The following PCDHGB7 variants were observed in gnomAD, a reference collection of about 807,000 sequenced individuals.
The protein encoded by PCDHGB7 is protocadherin gamma subfamily B, 7, also known as protocadherin gamma-B7.
PCDHGB7 carries 37 observed loss-of-function variants against 61.4 expected under a neutral mutation model. The ratio of observed to expected loss-of-function variants is 0.60; its 90% CI spans 0.46 to 0.79. The LOEUF (loss-of-function observed/expected upper bound fraction) is 0.79, where lower values mean the gene tolerates loss of function less well. PCDHGB7 is among the 30% of genes least tolerant of loss of function. PCDHGB7 has a pLI of 0.00. For synonymous variants in PCDHGB7, 464 were observed against 503.5 expected (o/e 0.92, Z 1.05); for missense variants, 1,166 against 1,202.5 (o/e 0.97, Z 0.45).
At chr5:141,475,910 G>A in intron 1 of PCDHGB7, 1 of 588,414 alleles carries the variant, frequency 1.7e-6, no homozygotes, top group South Asian at 2.3e-5. Context: ...GTCGGCCAAT[G>A]AAGACGCTGG....
rs374191427 is a variant in PCDHGB7 at position 141,419,804 on chromosome 5, G to A, written c.1945G>A (p.Gly649Arg). ...RQRLLVAVRD[G>R]GQPPLSATAT... ...GCGCCTGCTAGTCGCTGTAAGAGAT[G>A]GAGGACAGCCACCCCTTTCAGCCAC... Residue 649 changes from glycine (G) to arginine (R), a missense_variant, in exon 1 of 4, where the codon GGA becomes AGA. Coordinates refer to ENST00000398594, the MANE Select transcript of PCDHGB7 (RefSeq NM_018927.4). The A allele has an allele frequency of 2.8e-5, 45 of 1,613,946 alleles. No homozygotes were observed. The highest frequency in any genetic ancestry group is 1.6e-4 in the Middle Eastern group (1 of 6,082).
At chr5:141,453,481 T>TA (rs1178324090) in intron 1 of PCDHGB7, among the ~76,000 whole-genome samples, 1 of 151,928 alleles carries the variant, frequency 6.6e-6, no homozygotes, top group African/African-American at 2.4e-5. Context: ...TCAAAACTAT[T>TA]AAAAAAAGGT....
chr5:141,449,389 T>C (rs577860793), intron 1 of PCDHGB7, among the ~76,000 whole-genome samples: 5 of 151,964 alleles, frequency 3.3e-5, no homozygotes, highest in African/African-American at 1.2e-4. Flanking sequence ...GGTGGATTAC[T>C]TGAGGCCAGG....
At position 141,418,812 on chromosome 5, in the gene PCDHGB7, A is replaced by T. The variant is rs761899929; in HGVS notation, c.953A>T (p.Asn318Ile). 4 of 1,613,914 alleles carry T rather than the reference A, an allele frequency of 2.5e-6. No individual in the cohort carries two copies. In the South Asian group the frequency reaches 4.4e-5, roughly 18 times the overall value. Residue 318 changes from asparagine (N) to isoleucine (I), a missense_variant, in exon 1 of 4, where the codon AAC (asparagine) becomes ATC (isoleucine). Asn to Ile is a moderately radical substitution (Grantham distance 149). Transcript: ENST00000398594. ...GAAGAAGTAGAAAGATATACGATAA[A>T]CATAGAAGCAAAAGACCGAGGATCT... is the stretch of plus-strand genomic sequence containing the variant. ...DFEEVERYTINIEAKDRGSLS... is the reference protein window; with the variant it reads ...DFEEVERYTIIIEAKDRGSLS...
chr5:141,427,434 A>G (rs2097026509), intron 1 of PCDHGB7: 1 of 473,650 alleles, frequency 2.1e-6, no homozygotes, highest in African/African-American at 2.0e-5. Context: ...TACATGCCTC[A>G]TAAACGAAAG....
chr5:141,491,817 G>T lies in PCDHGB7; in HGVS notation c.2416-2990G>T. On this transcript the variant is annotated intron_variant, in intron 1 of 3. Transcript: ENST00000398594. The surrounding 1 kb of genome is among the most constrained non-coding windows in gnomAD (Gnocchi z 6.9). ...TCTCCGGCCGGCTTGGTCGCTGGCT[G>T]CGCTCCACCCGATTCTCGGGATCAT... 1.3e-6 allele frequency: 2 copies of T among 1,484,188 alleles called. No homozygotes were observed. The highest frequency in any genetic ancestry group is 1.8e-6 in the Non-Finnish European group (2 of 1,117,664). 91.9% of individuals were successfully genotyped at this position (1,484,188 alleles called of 1,614,324 possible).
At chr5:141,456,044 C>T (rs1307913066) in intron 1 of PCDHGB7, among the ~76,000 whole-genome samples, 2 of 151,826 alleles carry the variant, frequency 1.3e-5, no homozygotes, top group African/African-American at 2.4e-5. Context: ...ACTACAGGCG[C>T]CCACCACCAC....
chr5:141,427,265 C>G (rs767369457), intron 1 of PCDHGB7: 1 of 456,688 alleles, frequency 2.2e-6, no homozygotes, highest in Non-Finnish European at 4.4e-6. Context: ...GCATGACCAG[C>G]GAATGTAAAA....
Position 141,485,210 on chromosome 5 carries a change from C to T in PCDHGB7, c.2416-9597C>T, listed in dbSNP as rs2099609472. 1.2e-6 allele frequency: 2 copies of T among 1,614,058 alleles called. No individual in the cohort carries two copies. The highest frequency in any genetic ancestry group is 1.3e-5 in the African/African-American group (1 of 75,046). ...GGTGAGAAGCTGGACAGAAATCTGG[C>T]GGTGGGCTACCCTTTTGTTCCTCTT... On this transcript the variant is annotated intron_variant, in intron 1 of 3. Coordinates refer to ENST00000398594, the MANE Select transcript of PCDHGB7 (RefSeq NM_018927.4). The surrounding 1 kb of genome is among the most constrained non-coding windows in gnomAD (Gnocchi z 5.7).
rs759899934 is a variant in PCDHGB7, at chr5:141,421,255, C to G, written c.2415+981C>G. The stretch of plus-strand genomic sequence containing the variant: ...GGCGAATCGGCTACAGCGCGGGGAC[C>G]GCAGTCGGCTGCTGCTGCTGCTGTG... On this transcript the variant is annotated intron_variant, in intron 1 of 3. Coordinates refer to ENST00000398594, the MANE Select transcript of PCDHGB7 (RefSeq NM_018927.4). The G allele has an allele frequency of 6.0e-5, 97 of 1,607,644 alleles. No individual in the cohort carries two copies. Among genetic ancestry groups the G allele is most frequent in the Middle Eastern group, 3.3e-4 (2 of 6,058 alleles).
Position 141,485,814 on chromosome 5 carries a change from C to T in PCDHGB7, c.2416-8993C>T, listed in dbSNP as rs2099619616. 7.4e-6 allele frequency: 12 copies of T among 1,613,982 alleles called. No individual in the cohort carries two copies. The East Asian group carries it at 2.2e-4, about 30-fold the overall frequency. On this transcript the variant is annotated intron_variant, in intron 1 of 3. Coordinates refer to ENST00000398594, the MANE Select transcript of PCDHGB7 (RefSeq NM_018927.4). This position sits in a 1 kb window ranked among gnomAD's most constrained non-coding sequence, Gnocchi z 5.7. ...TCGGACTACCGCCTGGTGCTGACTG[C>T]TGTCGATGGAGGGAACCCGCCGAGA...
intron 1 of PCDHGB7, among the ~76,000 whole-genome samples, chr5:141,478,961 C>T (rs887338339): frequency 6.6e-6 from 1 of 152,206 alleles, no homozygotes; most frequent in Non-Finnish European, 1.5e-5. Context: ...CCTCATTCCT[C>T]CACCTTTCAA....
At chr5:141,458,094 A>G (rs1036190372) in intron 1 of PCDHGB7, among the ~76,000 whole-genome samples, 3 of 152,260 alleles carry the variant, frequency 2.0e-5, no homozygotes, top group African/African-American at 7.2e-5. Context: ...AGTTAAGAGT[A>G]CTTACAGATA....
chr5:141,497,919 T>G (rs762168347), intron 2 of PCDHGB7, among the ~76,000 whole-genome samples: 11 of 152,206 alleles, frequency 7.2e-5, no homozygotes, highest in Non-Finnish European at 1.6e-4. Flanking sequence ...TCTCCTTCAT[T>G]CATTCAACAA....
At chr5:141,458,459 A>G (rs1232004043) in intron 1 of PCDHGB7, among the ~76,000 whole-genome samples, 1 of 152,006 alleles carries the variant, frequency 6.6e-6, no homozygotes, top group African/African-American at 2.4e-5. Flanking sequence ...AATTTTTAAA[A>G]TACCGTACAA....
At position 141,487,080 on chromosome 5, in the gene PCDHGB7, C is replaced by G. The variant is rs2154580766; in HGVS notation, c.2416-7727C>G. 1 of 1,614,126 alleles carries G rather than the reference C, an allele frequency of 6.2e-7. No individual in the cohort carries two copies. Among genetic ancestry groups the G allele is most frequent in the East Asian group, 2.2e-5 (1 of 44,872 alleles). On this transcript the variant is annotated intron_variant, in intron 1 of 3. Coordinates refer to ENST00000398594, the MANE Select transcript of PCDHGB7 (RefSeq NM_018927.4). This position sits in a 1 kb window ranked among gnomAD's most constrained non-coding sequence, Gnocchi z 5.0. ...GTGCGGACGGCTGTTCCTATCCCAG[C>G]TGACCTCCCACCACAGAAGCTGGTC...
chr5:141,484,277 G>T (rs1026083889), intron 1 of PCDHGB7, among the ~76,000 whole-genome samples: 1 of 152,126 alleles, frequency 6.6e-6, no homozygotes, highest in South Asian at 2.1e-4. Context: ...TTACTGTTTT[G>T]AAACATCTCC....
At chr5:141,506,934 G>A (rs187503673) in intron 3 of PCDHGB7, among the ~76,000 whole-genome samples, 54 of 152,232 alleles carry the variant, frequency 3.5e-4, no homozygotes, top group African/African-American at 1.3e-3. Flanking sequence ...AAACTTTAGG[G>A]GCCTCCTGTC....
Position 141,485,086 on chromosome 5 carries a change from A to T in PCDHGB7, c.2416-9721A>T. 1.0e-6 allele frequency: 1 copy of T among 999,576 alleles called. No individual in the cohort carries two copies. Among genetic ancestry groups the T allele is most frequent in the Non-Finnish European group, 1.5e-6 (1 of 651,740 alleles). 61.9% of individuals were successfully genotyped at this position (999,576 alleles called of 1,614,324 possible). A position where few individuals can be genotyped will look rare whatever the true frequency, so the allele number is the denominator to read the frequency against. On this transcript the variant is annotated intron_variant, in intron 1 of 3. Transcript: ENST00000398594. The surrounding 1 kb of genome is among the most constrained non-coding windows in gnomAD (Gnocchi z 5.7). The stretch of plus-strand genomic sequence containing the variant: ...CCAGAGCTGGCGCGGGGAAAGGGAG[A>T]TAGGTGTCTCCAGCTGCTGTGGCTG...
Sources: allele counts gnomAD v4.1 joint callset (sites outside exome capture counted in the v4.1 genomes callset), GRCh38; gene constraint gnomAD v4.1.1; non-coding constraint Gnocchi (gnomAD v3.1); transcripts MANE v1.5; gene names NCBI Gene and HGNC (gene_info 2026-07-23, HGNC 2026-07-21).